Variants in CANX observed in about 807,000 individuals in gnomAD.
The protein encoded by CANX is calnexin.
In CANX, 14 loss-of-function variants were observed where a neutral mutation model predicts 75.7. The observed-to-expected ratio is 0.19, with a 90% CI of 0.12 to 0.29. The LOEUF is 0.29. Ranked by LOEUF, CANX falls within the 10% of genes least tolerant of loss-of-function variation. The pLI is 1.00. For synonymous variants in CANX, 227 were observed against 236.9 expected, an observed-to-expected ratio of 0.96 and a Z score of 0.38; for missense variants, 567 against 713.2, an observed-to-expected ratio of 0.79 and a Z score of 2.34.
chr5:179,701,196 T>A (rs1470514419), intron 1 of CANX, among the ~76,000 whole-genome samples: 1 of 152,136 alleles, frequency 6.6e-6, no homozygotes, highest in Non-Finnish European at 1.5e-5. Context: ...CACTTTGGTT[T>A]CCGTAACTTC....
At chr5:179,688,050 A>C (rs1170675896) in intron 1 of CANX, among the ~76,000 whole-genome samples, 1 of 150,974 alleles carries the variant, frequency 6.6e-6, no homozygotes, top group African/African-American at 2.4e-5. Flanking sequence ...TAAATAAATA[A>C]AGTCAGTATT....
At chr5:179,683,643 C>T (rs954631944) in intron 1 of CANX, among the ~76,000 whole-genome samples, 1 of 151,922 alleles carries the variant, frequency 6.6e-6, no homozygotes, top group African/African-American at 2.4e-5. Flanking sequence ...AAGTGATTCT[C>T]CTGTCTCAGC....
chr5:179,726,115 C>T (rs185010370), intron 13 of CANX, among the ~76,000 whole-genome samples: 2 of 151,108 alleles, frequency 1.3e-5, no homozygotes, highest in Non-Finnish European at 2.9e-5. Context: ...ATGGTGAAAC[C>T]CCGTTTCACT....
chr5:179,698,495 C>T (rs1776489886), upstream of CANX: 2 of 1,289,404 alleles, frequency 1.6e-6, no homozygotes, highest in South Asian at 2.5e-5. Context: ...GCAACGGGCC[C>T]TTCCTGATGG....
At chr5:179,680,807 G>T in intron 1 of CANX, 1 of 1,315,444 alleles carries the variant, frequency 7.6e-7, no homozygotes, top group Non-Finnish European at 1.1e-6. Flanking sequence ...CCTCTGTTAT[G>T]CCTTCGTTAA....
At chr5:179,709,468 C>T (rs1777379270) in intron 6 of CANX, among the ~76,000 whole-genome samples, 1 of 152,074 alleles carries the variant, frequency 6.6e-6, no homozygotes, top group African/African-American at 2.4e-5. Context: ...GCTTCCTCCC[C>T]TGCTGTTTAA....
chr5:179,719,591 T>C (rs1056042044), intron 8 of CANX, 77 bp from the exon 9 acceptor site: 4 of 651,636 alleles, frequency 6.1e-6, no homozygotes, highest in Non-Finnish European at 1.0e-5. Context: ...TTTTTTAGAA[T>C]ACTCTGTTCT....
rs1777420045 is a variant in CANX, at chr5:179,709,969, C to A, written c.625C>A (p.Pro209Thr). 1 of 1,612,838 alleles carries A rather than the reference C, an allele frequency of 6.2e-7. No individual in the cohort carries two copies. Among genetic ancestry groups the A allele is most frequent in the Admixed American group, 1.7e-5 (1 of 59,946 alleles). Residue 209 changes from proline (P) to threonine (T), a missense_variant, in exon 7 of 15, where the codon CCC becomes ACC. Pro to Thr is a conservative substitution (Grantham distance 38, BLOSUM62 -1). Around this residue, in one of 3 missense-constraint regions of CANX, gnomAD observed 351 missense variants for 433.8 expected, o/e 0.81. Transcript: ENST00000247461. ...KLHFIFRHKNPKTGIYEEKHA... is the reference protein window; with the variant it reads ...KLHFIFRHKNTKTGIYEEKHA... ...GCACTTCATCTTCCGACACAAAAAC[C>A]CCAAAACGGGTATCTATGAAGAAAA...
intron 3 of CANX, among the ~76,000 whole-genome samples, chr5:179,706,678 A>C (rs1777162173): frequency 6.6e-6 from 1 of 152,034 alleles, no homozygotes. Context: ...GCTGGTCTTG[A>C]ACTCCTGACC....
intron 1 of CANX, chr5:179,680,902 TC>T: frequency 6.5e-7 from 1 of 1,536,846 alleles, no homozygotes; most frequent in Non-Finnish European, 8.7e-7. Flanking sequence ...AGGGAGATGG[TC>T]TCTGGAAGCC....
intron 1 of CANX, among the ~76,000 whole-genome samples, chr5:179,688,536 TG>T (rs1776235041): frequency 6.6e-6 from 1 of 151,154 alleles, no homozygotes; most frequent in South Asian, 2.1e-4. Context: ...GCTCATTTTT[TG>T]TATTTTTAGT....
At chr5:179,686,514 C>G (rs1477801613) in intron 1 of CANX, among the ~76,000 whole-genome samples, 1 of 151,988 alleles carries the variant, frequency 6.6e-6, no homozygotes, top group Non-Finnish European at 1.5e-5. Flanking sequence ...CACTGTTGCC[C>G]AGGCTGGAGT....
chr5:179,714,636 G>C (rs376220304), intron 7 of CANX, among the ~76,000 whole-genome samples: 1 of 151,908 alleles, frequency 6.6e-6, no homozygotes, highest in South Asian at 2.1e-4. Context: ...TCCTGCCTCA[G>C]CCTCCCGAGT....
chr5:179,704,170 T>C (rs1312942175), intron 1 of CANX: 4 of 152,084 alleles, frequency 2.6e-5, no homozygotes, highest in Non-Finnish European at 5.9e-5. Context: ...TGGTCCTCCG[T>C]GGAAAGAGAG....
At chr5:179,692,367 G>A (rs1011939879) in intron 1 of CANX, among the ~76,000 whole-genome samples, 1 of 151,926 alleles carries the variant, frequency 6.6e-6, no homozygotes, top group Admixed American at 6.6e-5. Context: ...GAGCCGCTAT[G>A]CCTGGCCATC....
intron 1 of CANX, among the ~76,000 whole-genome samples, chr5:179,699,347 T>C (rs918950245): frequency 6.6e-6 from 1 of 152,190 alleles, no homozygotes; most frequent in Non-Finnish European, 1.5e-5. Flanking sequence ...CCGACAGCCT[T>C]CTTTGACCTC....
At chr5:179,685,201 C>A (rs573253238) in intron 1 of CANX, among the ~76,000 whole-genome samples, 1 of 152,076 alleles carries the variant, frequency 6.6e-6, no homozygotes, top group South Asian at 2.1e-4. Context: ...TGGGTTCAAG[C>A]GATTCTTCTG....
intron 1 of CANX, among the ~76,000 whole-genome samples, chr5:179,702,485 C>T (rs906935770): frequency 2.0e-5 from 3 of 147,812 alleles, no homozygotes; most frequent in Non-Finnish European, 3.0e-5. Flanking sequence ...ACCATATTGT[C>T]TTCAAAGTTC....
intron 7 of CANX, among the ~76,000 whole-genome samples, chr5:179,710,628 A>G (rs1274902766): frequency 7.0e-6 from 1 of 143,258 alleles, no homozygotes; most frequent in Non-Finnish European, 1.5e-5. Flanking sequence ...GAATGGCACG[A>G]ACCCGGGAGG....
Sources: allele counts gnomAD v4.1 joint callset (sites outside exome capture counted in the v4.1 genomes callset), GRCh38; gene constraint gnomAD v4.1.1; regional missense constraint gnomAD v4.1.1; transcripts MANE v1.5; gene names NCBI Gene and HGNC (gene_info 2026-07-23, HGNC 2026-07-21).